ULK4: variants seen among roughly 807,000 people sequenced by gnomAD.
The protein encoded by ULK4 is unc-51 like kinase 4.
In ULK4, 133 loss-of-function variants were observed where a neutral mutation model predicts 160.6. The ratio of observed to expected loss-of-function variants is 0.83; its 90% CI spans 0.72 to 0.96. The LOEUF (loss-of-function observed/expected upper bound fraction) is 0.96, where lower values mean the gene tolerates loss of function less well. Among genes scored for constraint, ULK4 ranks in the 40% least tolerant of loss-of-function variants. The pLI, the probability that ULK4 is intolerant of heterozygous loss-of-function variation, is 0.00. For missense variants in ULK4, 1,580 were observed against 1,499.5 expected (o/e 1.05, Z -0.89); for synonymous variants, 534 against 539.8 (o/e 0.99, Z 0.15).
chr3:41,411,195 A>C (rs34196069), intron 34 of ULK4, among the ~76,000 whole-genome samples: 86,885 of 151,932 alleles, frequency 0.57, 26,381 homozygotes, highest in African/African-American at 0.8. Context: ...AATGGTCTTC[A>C]TCCTCAGCCA....
chr3:41,641,925 G>C (rs888147984), intron 30 of ULK4, among the ~76,000 whole-genome samples: 1 of 150,040 alleles, frequency 6.7e-6, no homozygotes, highest in African/African-American at 2.5e-5. Flanking sequence ...GCCCAGGCTG[G>C]AGTGCAATGG....
chr3:41,593,987 G>A lies in ULK4; in HGVS notation c.3120+21682C>T, dbSNP rs538454256. 1.1e-4 allele frequency among the ~76,000 whole-genome samples: 16 copies of A among 152,230 alleles called. No homozygotes were observed. The East Asian group carries it at 2.7e-3, about 26-fold the overall frequency. ...TTGAGCCTGGGAGGCGGAGGTTGCAGTGAGCTGAGGGAGCACCACTGCACT... is the reference window on the plus strand; with the variant it reads ...TTGAGCCTGGGAGGCGGAGGTTGCAATGAGCTGAGGGAGCACCACTGCACT... On this transcript the variant is annotated intron_variant, in intron 31 of 36. Transcript: ENST00000301831.
At chr3:41,628,048 A>G (rs1276921987) in intron 30 of ULK4, among the ~76,000 whole-genome samples, 1 of 152,212 alleles carries the variant, frequency 6.6e-6, no homozygotes, top group African/African-American at 2.4e-5. Flanking sequence ...TTTAAGCAAA[A>G]TGACACAGAA....
Position 41,348,658 on chromosome 3 carries a change from G to A in ULK4, c.3678+49421C>T, listed in dbSNP as rs111364400. Among the ~76,000 whole-genome samples the A allele has an allele frequency of 4.8e-3, 726 of 151,498 alleles. 4 individuals carry two copies. The highest frequency in any genetic ancestry group is 0.017 in the African/African-American group (683 of 41,164). ...AAGCCCCAGTAAAACGCGAGTAAATGTAAGACTTCTTTGAGTACGATTAGT... is the reference window on the plus strand; with the variant it reads ...AAGCCCCAGTAAAACGCGAGTAAATATAAGACTTCTTTGAGTACGATTAGT... On this transcript the variant is annotated intron_variant, in intron 35 of 36. Transcript: ENST00000301831.
chr3:41,734,765 C>G (rs921303212), intron 22 of ULK4, among the ~76,000 whole-genome samples: 4 of 152,186 alleles, frequency 2.6e-5, no homozygotes, highest in African/African-American at 9.7e-5. Context: ...CATAGTCCCA[C>G]TGGAAAGTCA....
intron 32 of ULK4, among the ~76,000 whole-genome samples, chr3:41,507,766 C>T (rs973519837): frequency 2.0e-5 from 3 of 151,876 alleles, no homozygotes; most frequent in Non-Finnish European, 2.9e-5. Flanking sequence ...TATTTCAAAA[C>T]GGACTCCACT....
intron 22 of ULK4, among the ~76,000 whole-genome samples, chr3:41,720,661 C>T (rs569240018): frequency 9.2e-5 from 14 of 152,006 alleles, no homozygotes; most frequent in Middle Eastern, 3.4e-3. Context: ...CATTCCATTT[C>T]GCTCCTAATA....
rs77653643 is a variant in ULK4 at position 41,340,705 on chromosome 3, T to C, written c.3678+57374A>G. Reference sequence around the variant, plus strand: ...AGGACAGATATGAACATTTTCATCATTGTAGAAAGTTCTGGAGAGTACTGA... The same window carrying C: ...AGGACAGATATGAACATTTTCATCACTGTAGAAAGTTCTGGAGAGTACTGA... On this transcript the variant is annotated intron_variant, in intron 35 of 36. Transcript: ENST00000301831. Among the ~76,000 whole-genome samples, 1,135 of 152,344 alleles carry C rather than the reference T, an allele frequency of 7.5e-3. 17 individuals are homozygous for C. Among genetic ancestry groups the C allele is most frequent in the African/African-American group, 0.025 (1,059 of 41,568 alleles).
chr3:41,375,250 C>G (rs1289428307), intron 35 of ULK4, among the ~76,000 whole-genome samples: 1 of 152,158 alleles, frequency 6.6e-6, no homozygotes, highest in Non-Finnish European at 1.5e-5. Flanking sequence ...ATCAAACTAC[C>G]ACTGACTTTC....
intron 32 of ULK4, among the ~76,000 whole-genome samples, chr3:41,553,238 C>T (rs1472305815): frequency 1.3e-5 from 2 of 151,902 alleles, no homozygotes; most frequent in African/African-American, 2.4e-5. Context: ...GCAACAAAAA[C>T]AAAAATAGAC....
intron 35 of ULK4, among the ~76,000 whole-genome samples, chr3:41,317,051 G>A (rs1397018111): frequency 6.9e-6 from 1 of 145,068 alleles, no homozygotes; most frequent in East Asian, 2.0e-4. Flanking sequence ...TGTAAAATAG[G>A]CAATTACATC....
chr3:41,263,324 G>A (rs1559493480), intron 35 of ULK4, among the ~76,000 whole-genome samples: 2 of 152,178 alleles, frequency 1.3e-5, no homozygotes, highest in South Asian at 4.1e-4. Context: ...GAGTGTTTGT[G>A]TGATAGGGAG....
At chr3:41,263,908 G>A (rs1456241839) in intron 35 of ULK4, among the ~76,000 whole-genome samples, 1 of 152,170 alleles carries the variant, frequency 6.6e-6, no homozygotes, top group East Asian at 1.9e-4. Context: ...GAAATAGCAG[G>A]GGGTGCCGGG....
At chr3:41,685,765 AGTCT>A (rs1444243930) in intron 27 of ULK4, among the ~76,000 whole-genome samples, 1 of 151,974 alleles carries the variant, frequency 6.6e-6, no homozygotes, top group Non-Finnish European at 1.5e-5. Flanking sequence ...CTCTTCAGAG[AGTCT>A]GTCTGGGAAT....
chr3:41,867,797 G>A (rs1696949778), intron 17 of ULK4, among the ~76,000 whole-genome samples: 2 of 152,216 alleles, frequency 1.3e-5, no homozygotes, highest in Non-Finnish European at 2.9e-5. Flanking sequence ...CAATTTAGCA[G>A]CATCACAAAT....
chr3:41,361,403 C>T (rs556363171), intron 35 of ULK4, among the ~76,000 whole-genome samples: 63 of 152,250 alleles, frequency 4.1e-4, no homozygotes, highest in Non-Finnish European at 6.9e-4. Context: ...ATATGAATTC[C>T]TTACCCTATT....
chr3:41,621,445 C>T (rs1012918029), intron 30 of ULK4, among the ~76,000 whole-genome samples: 5 of 152,088 alleles, frequency 3.3e-5, no homozygotes, highest in African/African-American at 2.4e-5. Flanking sequence ...GAACAGAGAC[C>T]TCAGAAATAA....
At chr3:41,552,909 AGAT>A (rs563930723) in intron 32 of ULK4, among the ~76,000 whole-genome samples, 6 of 152,110 alleles carry the variant, frequency 3.9e-5, no homozygotes, top group Non-Finnish European at 8.8e-5. Flanking sequence ...TCAGACATAT[AGAT>A]CAATGGAGCA....
chr3:41,481,603 G>A lies in ULK4; in HGVS notation c.3227-18350C>T, dbSNP rs558544568. Among the ~76,000 whole-genome samples the A allele has an allele frequency of 1.7e-4, 26 of 151,934 alleles. No homozygotes were observed. The East Asian group carries it at 3.9e-3, about 23-fold the overall frequency. On this transcript the variant is annotated intron_variant, in intron 32 of 36. Coordinates refer to ENST00000301831, the MANE Select transcript of ULK4 (RefSeq NM_017886.4). ...AGCACTTTGGGAGGCCGAGGCGGGC[G>A]GATCACGAGGTCAGGAGATCGAGAC...
Sources: allele counts gnomAD v4.1 joint callset (sites outside exome capture counted in the v4.1 genomes callset), GRCh38; gene constraint gnomAD v4.1.1; transcripts MANE v1.5; gene names NCBI Gene and HGNC (gene_info 2026-07-23, HGNC 2026-07-21).